CEP89: variants seen among roughly 807,000 people sequenced by gnomAD.
The protein encoded by CEP89 is centrosomal protein of 89 kDa.
In CEP89, 95 loss-of-function variants were observed where a neutral mutation model predicts 97.6. That is an observed-to-expected ratio of 0.97 (90% CI 0.82 to 1.15). The LOEUF is 1.15. Ranked by LOEUF, CEP89 falls within the 50% of genes most tolerant of loss-of-function variation. CEP89 has a pLI of 0.00. For missense variants in CEP89, 869 were observed against 947.7 expected (o/e 0.92, Z 1.09); for synonymous variants, 354 against 349.1 (o/e 1.01, Z -0.16).
intron 2 of CEP89, among the ~76,000 whole-genome samples, chr19:32,963,052 C>T (rs1233151755): frequency 2.6e-5 from 4 of 152,112 alleles, no homozygotes; most frequent in Non-Finnish European, 4.4e-5. Flanking sequence ...ATACCATTAG[C>T]CATTAGAGAA....
chr19:32,959,895 C>G lies in CEP89; in HGVS notation c.305+5G>C. 6.2e-7 allele frequency: 1 copy of G among 1,614,116 alleles called. No homozygotes were observed. The highest frequency in any genetic ancestry group is 8.5e-7 in the Non-Finnish European group (1 of 1,179,998). ...AGGAAGCAGAGGCGGCGATCTGGTA[C>G]CTACCGAGGCCTCAGCTGTGAGGTG... On this transcript the variant is annotated splice_donor_5th_base_variant and intron_variant, in intron 3 of 18. Transcript: ENST00000305768.
rs929591410 is a variant in CEP89 at position 32,902,010 on chromosome 19, C to CTGTG, written c.1566-602_1566-599dup. Among the ~76,000 whole-genome samples, 282 of 133,804 alleles carry CTGTG rather than the reference C, an allele frequency of 2.1e-3. 1 individual carries two copies. Among genetic ancestry groups the CTGTG allele is most frequent in the East Asian group, 6.7e-3 (29 of 4,338 alleles). 87.8% of individuals were successfully genotyped at this position (133,804 alleles called of 152,430 possible). Reference sequence around the variant, plus strand: ...TCTGTCTCTCTGTCTCTCTCTCTCTCTGTGTGTGTGTGTGTGTGTGTGTGT... The same window carrying CTGTG: ...TCTGTCTCTCTGTCTCTCTCTCTCTCTGTGTGTGTGTGTGTGTGTGTGTGTGTGT... On this transcript the variant is annotated intron_variant, in intron 14 of 18. Coordinates refer to ENST00000305768, the MANE Select transcript of CEP89 (RefSeq NM_032816.5).
chr19:32,906,512 A>G (rs1969890248), intron 14 of CEP89, among the ~76,000 whole-genome samples: 2 of 152,146 alleles, frequency 1.3e-5, no homozygotes, highest in African/African-American at 2.4e-5. Context: ...ATCCCCAAAG[A>G]TATTATCATT....
At chr19:32,897,738 T>A (rs1969673768) in intron 16 of CEP89, among the ~76,000 whole-genome samples, 2 of 152,128 alleles carry the variant, frequency 1.3e-5, no homozygotes, top group African/African-American at 4.8e-5. Flanking sequence ...AGTTTTTCGT[T>A]ATTTGTAGAG....
intron 16 of CEP89, among the ~76,000 whole-genome samples, chr19:32,898,838 C>T (rs1027858957): frequency 1.0e-4 from 15 of 148,320 alleles, no homozygotes; most frequent in South Asian, 2.1e-4. Flanking sequence ...GCCGAGATCA[C>T]GCCACTGCAC....
intron 14 of CEP89, among the ~76,000 whole-genome samples, chr19:32,905,376 C>T (rs779153703): frequency 1.2e-4 from 19 of 152,080 alleles, no homozygotes; most frequent in Non-Finnish European, 2.4e-4. Flanking sequence ...GATTAAGGAG[C>T]ATTAATTCTT....
chr19:32,891,867 GA>G (rs1969525161), intron 16 of CEP89, among the ~76,000 whole-genome samples: 1 of 148,356 alleles, frequency 6.7e-6, no homozygotes, highest in Admixed American at 6.6e-5. Context: ...AGGAGCAAAA[GA>G]AAGAGAGAAA....
chr19:32,899,131 A>ATTTCCCT (rs377046778), intron 16 of CEP89, among the ~76,000 whole-genome samples: 1 of 143,214 alleles, frequency 7.0e-6, no homozygotes, highest in East Asian at 2.0e-4. Flanking sequence ...TTTAATTAGC[A>ATTTCCCT]TTTTTTTTTT....
chr19:32,913,837 C>T (rs1165128993), intron 14 of CEP89, among the ~76,000 whole-genome samples: 1 of 152,020 alleles, frequency 6.6e-6, no homozygotes, highest in Non-Finnish European at 1.5e-5. Context: ...CAGGGTTTCA[C>T]CAGGTTGGCC....
chr19:32,892,526 G>C (rs558057686), intron 16 of CEP89, among the ~76,000 whole-genome samples: 2 of 151,684 alleles, frequency 1.3e-5, no homozygotes, highest in African/African-American at 4.8e-5. Context: ...GGCTGGTCTT[G>C]AACTCCTGAC....
chr19:32,902,870 G>C (rs575330868), intron 14 of CEP89, among the ~76,000 whole-genome samples: 1 of 152,310 alleles, frequency 6.6e-6, no homozygotes, highest in South Asian at 2.1e-4. Flanking sequence ...AACAATTTCT[G>C]ACATGCACAA....
chr19:32,925,746 C>G (rs1409983562), intron 11 of CEP89, among the ~76,000 whole-genome samples: 1 of 152,136 alleles, frequency 6.6e-6, no homozygotes, highest in East Asian at 1.9e-4. Context: ...CCTCGGCCTC[C>G]CAAAGTGCTG....
intron 1 of CEP89, chr19:32,971,499 A>G: frequency 1.8e-6 from 1 of 549,028 alleles, no homozygotes. Flanking sequence ...CCACAAAAAT[A>G]TTGAACAATT....
At chr19:32,965,782 A>G (rs946434509) in intron 2 of CEP89, among the ~76,000 whole-genome samples, 1 of 151,992 alleles carries the variant, frequency 6.6e-6, no homozygotes, top group East Asian at 1.9e-4. Flanking sequence ...TTCAGAGGCC[A>G]AGGCAGGCGG....
At position 32,879,099 on chromosome 19, in the gene CEP89, G is replaced by A. The variant is rs1489187755; in HGVS notation, c.*63C>T. 4 of 1,367,212 alleles carry A rather than the reference G, an allele frequency of 2.9e-6. No homozygotes were observed. The African/African-American group carries it at 5.7e-5, about 20-fold the overall frequency. 84.7% of individuals were successfully genotyped at this position (1,367,212 alleles called of 1,614,324 possible). A position where few individuals can be genotyped will look rare whatever the true frequency, so the allele number is the denominator to read the frequency against. ...CTGCCACCATGGGCTGCCCTGCAGGGAAGGCCTGTGTGAGGCAGACCTTTC... is the reference window on the plus strand; with the variant it reads ...CTGCCACCATGGGCTGCCCTGCAGGAAAGGCCTGTGTGAGGCAGACCTTTC... On this transcript the variant is annotated 3_prime_UTR_variant, in exon 19 of 19. Coordinates refer to ENST00000305768, the MANE Select transcript of CEP89 (RefSeq NM_032816.5).
chr19:32,964,433 A>G (rs1208105569), intron 2 of CEP89, among the ~76,000 whole-genome samples: 1 of 152,152 alleles, frequency 6.6e-6, no homozygotes, highest in African/African-American at 2.4e-5. Flanking sequence ...TAGCCTCCCA[A>G]ATTGCTGGGA....
chr19:32,881,889 A>C lies in CEP89; in HGVS notation c.2090T>G (p.Leu697Arg), dbSNP rs1393960138. Residue 697 changes from leucine to arginine, a missense_variant, in exon 18 of 19, where the codon CTG becomes CGG. Coordinates refer to ENST00000305768, the MANE Select transcript of CEP89 (RefSeq NM_032816.5). ...GTCCAGCACCTCCTGCTTGTCCTTC[A>C]GCACCTGGTGCAGGTGCCGCATCTC... ...RQEMRHLHQVLKDKQEVLDQA... is the reference protein window; with the variant it reads ...RQEMRHLHQVRKDKQEVLDQA... 1 of 1,606,708 alleles carries C rather than the reference A, an allele frequency of 6.2e-7. No individual in the cohort carries two copies. Among genetic ancestry groups the C allele is most frequent in the Non-Finnish European group, 8.5e-7 (1 of 1,179,154 alleles).
intron 5 of CEP89, among the ~76,000 whole-genome samples, chr19:32,942,375 G>T (rs998534713): frequency 6.6e-6 from 1 of 151,990 alleles, no homozygotes; most frequent in South Asian, 2.1e-4. Context: ...GAGCGACCCC[G>T]CCTCAAAAAA....
intron 3 of CEP89, among the ~76,000 whole-genome samples, chr19:32,955,204 GT>G (rs1971021804): frequency 6.6e-6 from 1 of 151,976 alleles, no homozygotes. Context: ...GTTTCACCAT[GT>G]TGCCCAGGCT....
Sources: gnomAD v4.1 joint callset for allele counts (sites outside exome capture counted in the v4.1 genomes callset) on GRCh38, gnomAD v4.1.1 for gene constraint, MANE v1.5 for transcripts, NCBI Gene and HGNC (gene_info 2026-07-23, HGNC 2026-07-21) for gene names.